The following CELF1 variants were observed in gnomAD, a reference collection of about 807,000 sequenced individuals.
The protein encoded by CELF1 is 50 kDa nuclear polyadenylated RNA-binding protein.
A neutral mutation model predicts 61.8 loss-of-function variants in CELF1; 10 were observed. The ratio of observed to expected loss-of-function variants is 0.16; its 90% CI spans 0.10 to 0.27. The LOEUF is 0.27. CELF1 is among the 10% of genes least tolerant of loss of function. The pLI is 1.00. For synonymous variants in CELF1, 236 were observed against 225.1 expected, an observed-to-expected ratio of 1.05 and a Z score of -0.43; for missense variants, 380 against 639.1, an observed-to-expected ratio of 0.59 and a Z score of 4.37.
chr11:47,487,063 T>C (rs183562092), intron 5 of CELF1, 96 bp downstream of exon 5: 1 of 985,582 alleles, frequency 1.0e-6, no homozygotes, highest in Admixed American at 2.0e-5. Context: ...AGTTACCTTT[T>C]CCCCAAAATG....
chr11:47,495,146 T>C (rs138874806), intron 3 of CELF1, among the ~76,000 whole-genome samples: 172 of 152,338 alleles, frequency 1.1e-3, no homozygotes, highest in Middle Eastern at 0.01. Flanking sequence ...CAGTTAGTAG[T>C]GAAGTCAGAA....
chr11:47,534,069 C>A (rs963565558), intron 1 of CELF1, among the ~76,000 whole-genome samples: 11 of 111,486 alleles, frequency 9.9e-5, no homozygotes, highest in South Asian at 9.3e-4. Flanking sequence ...ACTCTTGTTG[C>A]CCAGGCTGAA....
In CELF1 at chr11:47,470,994, G is replaced by A. The variant is rs1256439974; in HGVS notation, c.*1236C>T. ...TTCATGTGGAGGCTGTAAACGTCCT[G>A]ATGTCACCTCTGCCTCAAGAGCAGA... On this transcript the variant is annotated 3_prime_UTR_variant, in exon 15 of 15. Coordinates refer to ENST00000687097, the MANE Select transcript of CELF1 (RefSeq NM_001376376.1). 1 of 152,222 alleles carries A rather than the reference G, an allele frequency of 6.6e-6. No individual in the cohort carries two copies. Among genetic ancestry groups the A allele is most frequent in the Admixed American group, 6.5e-5 (1 of 15,278 alleles). 9.4% of individuals were successfully genotyped at this position (152,222 alleles called of 1,614,324 possible).
chr11:47,548,294 G>A (rs183185205), intron 1 of CELF1, among the ~76,000 whole-genome samples: 48 of 151,356 alleles, frequency 3.2e-4, no homozygotes, highest in Admixed American at 2.2e-3. Flanking sequence ...GTGAGACTCC[G>A]TCTCAAAAAA....
At chr11:47,540,219 TG>T (rs1401721949) in intron 1 of CELF1, among the ~76,000 whole-genome samples, 7 of 152,180 alleles carry the variant, frequency 4.6e-5, no homozygotes, top group African/African-American at 1.7e-4. Context: ...CAGGAATGAA[TG>T]GACAGGAAAA....
At chr11:47,523,651 A>G (rs1202063534) in intron 1 of CELF1, 1 of 152,364 alleles carries the variant, frequency 6.6e-6, no homozygotes, top group Non-Finnish European at 1.5e-5. Flanking sequence ...CCAGCATTTA[A>G]TAACGTCCTT....
intron 1 of CELF1, among the ~76,000 whole-genome samples, 190 bp downstream of exon 1, chr11:47,552,794 CCCGGGGAG>C (rs1332867936): frequency 6.6e-6 from 1 of 152,168 alleles, no homozygotes; most frequent in Admixed American, 6.5e-5. Context: ...CGCGACAGGA[CCCGGGGAG>C]CCGGGGACCC....
Position 47,534,032 on chromosome 11 carries a change from TTTTTTTTTTTTTG to T in CELF1, c.-154+18947_-154+18959del, listed in dbSNP as rs1405297118. Among the ~76,000 whole-genome samples the T allele has an allele frequency of 2.4e-4, 35 of 142,956 alleles. No individual in the cohort carries two copies. The South Asian group carries it at 7.7e-3, about 32-fold the overall frequency. 93.8% of individuals were successfully genotyped at this position (142,956 alleles called of 152,430 possible). A position where few individuals can be genotyped will look rare whatever the true frequency, so the allele number is the denominator to read the frequency against. The stretch of plus-strand genomic sequence containing the variant: ...AGCATTTTTTCTTTCCTTTTTTTTT[TTTTTTTTTTTTTG>T]GACATAGAGTTTCACTCTTGTTGCC... On this transcript the variant is annotated intron_variant, in intron 1 of 14. Transcript: ENST00000687097.
chr11:47,487,582 CAAG>C (rs1244920289), intron 4 of CELF1, among the ~76,000 whole-genome samples: 2 of 152,164 alleles, frequency 1.3e-5, no homozygotes, highest in Non-Finnish European at 2.9e-5. Context: ...GTATATGAGA[CAAG>C]AAGACAGATG....
intron 1 of CELF1, among the ~76,000 whole-genome samples, chr11:47,552,328 C>T (rs903504522): frequency 1.3e-5 from 2 of 152,206 alleles, no homozygotes; most frequent in Non-Finnish European, 1.5e-5. Context: ...ACCACGACAC[C>T]ACTGGCTTTA....
intron 1 of CELF1, among the ~76,000 whole-genome samples, chr11:47,542,885 C>T (rs1158019703): frequency 2.2e-4 from 33 of 152,160 alleles, no homozygotes; most frequent in Admixed American, 2.1e-3. Flanking sequence ...GTAATCCCAA[C>T]ACTTTGGGAG....
At chr11:47,543,759 TC>T (rs2096867285) in intron 1 of CELF1, among the ~76,000 whole-genome samples, 1 of 141,710 alleles carries the variant, frequency 7.1e-6, no homozygotes. Context: ...CCACCCCGTC[TC>T]TAAAAAAAAA....
At chr11:47,563,701 T>TA (rs142223495) in intron 2 of CELF1, among the ~76,000 whole-genome samples, 1 of 151,260 alleles carries the variant, frequency 6.6e-6, no homozygotes, top group East Asian at 1.9e-4. Context: ...AAACAAAATA[T>TA]AAAAAAAAGA....
At chr11:47,545,474 C>A (rs1331671713) in intron 1 of CELF1, among the ~76,000 whole-genome samples, 1 of 151,886 alleles carries the variant, frequency 6.6e-6, no homozygotes, top group Admixed American at 6.6e-5. Flanking sequence ...ACCATAAAGT[C>A]TCCAATACTC....
intron 2 of CELF1, among the ~76,000 whole-genome samples, chr11:47,558,557 T>TA (rs1383652090): frequency 2.6e-5 from 3 of 115,780 alleles, no homozygotes; most frequent in African/African-American, 1.1e-4. Context: ...ATTATATATA[T>TA]TTATATATAA....
At position 47,514,234 on chromosome 11, in the gene CELF1, C is replaced by T. The variant is rs544754470; in HGVS notation, c.-153-13302G>A. ...GCCACCATGTCTGGCCTCAAATACA[C>T]AGAATTTTCAAATTCAATATTATAC... is the stretch of plus-strand genomic sequence containing the variant. On this transcript the variant is annotated intron_variant, in intron 1 of 14. Coordinates refer to ENST00000687097, the MANE Select transcript of CELF1 (RefSeq NM_001376376.1). 4.6e-5 allele frequency among the ~76,000 whole-genome samples: 7 copies of T among 152,184 alleles called. No homozygotes were observed. The South Asian group carries it at 1.5e-3, about 32-fold the overall frequency.
intron 2 of CELF1, among the ~76,000 whole-genome samples, chr11:47,558,740 GTATATATAA>G (rs1283322799): frequency 8.9e-4 from 84 of 94,320 alleles, no homozygotes; most frequent in African/African-American, 2.5e-3. Flanking sequence ...ATATATAATT[GTATATATAA>G]TATATATAAT....
At chr11:47,527,986 C>T (rs2096310687) in intron 1 of CELF1, among the ~76,000 whole-genome samples, 1 of 152,174 alleles carries the variant, frequency 6.6e-6, no homozygotes, top group Admixed American at 6.5e-5. Context: ...ATCCCAGCTA[C>T]TCCGGAGGCT....
chr11:47,562,261 C>A (rs2153791643), intron 2 of CELF1, among the ~76,000 whole-genome samples: 1 of 148,476 alleles, frequency 6.7e-6, no homozygotes, highest in South Asian at 2.1e-4. Context: ...TGGGGTGGCT[C>A]ACACCTGTAA....
Sources: allele counts gnomAD v4.1 joint callset (sites outside exome capture counted in the v4.1 genomes callset), GRCh38; gene constraint gnomAD v4.1.1; transcripts MANE v1.5; gene names NCBI Gene and HGNC (gene_info 2026-07-23, HGNC 2026-07-21).